The following SPATS2L variants were observed in gnomAD, a reference collection of about 807,000 sequenced individuals.
The protein encoded by SPATS2L is spermatogenesis associated serine rich 2 like, also known as SPATS2-like protein.
A neutral mutation model predicts 59.6 loss-of-function variants in SPATS2L; 30 were observed. The observed-to-expected ratio is 0.50, with a 90% CI of 0.38 to 0.68. SPATS2L has a LOEUF of 0.68. Ranked by LOEUF, SPATS2L falls within the 30% of genes least tolerant of loss-of-function variation. The pLI is 0.00. For missense variants in SPATS2L, 615 were observed against 700.0 expected (o/e 0.88, Z 1.37); for synonymous variants, 252 against 263.5 (o/e 0.96, Z 0.42).
chr2:200,371,253 T>A lies in SPATS2L; in HGVS notation c.-22-17970T>A, dbSNP rs139774419. Among the ~76,000 whole-genome samples, 137 of 152,108 alleles carry A rather than the reference T, an allele frequency of 9.0e-4. 1 individual carries two copies. The Middle Eastern group carries it at 0.01, about 11-fold the overall frequency. ...TTATCCACAAATTAATTTAGGAATG[T>A]ATTATATAAAGTTCTTTCCAACTCT... is the stretch of plus-strand genomic sequence containing the variant. On this transcript the variant is annotated intron_variant, in intron 2 of 12. Coordinates refer to ENST00000409140, the MANE Select transcript of SPATS2L (RefSeq NM_001100423.2).
chr2:200,391,502 C>T (rs1160336722), intron 3 of SPATS2L, among the ~76,000 whole-genome samples: 2 of 152,124 alleles, frequency 1.3e-5, no homozygotes, highest in African/African-American at 2.4e-5. Context: ...ACCAGACTGC[C>T]AAAGGAGGTC....
At chr2:200,383,460 A>G (rs2081891164) in intron 2 of SPATS2L, among the ~76,000 whole-genome samples, 1 of 152,108 alleles carries the variant, frequency 6.6e-6, no homozygotes, top group Non-Finnish European at 1.5e-5. Context: ...AGCACATTTC[A>G]CTTTAGACTA....
intron 2 of SPATS2L, among the ~76,000 whole-genome samples, chr2:200,364,783 TC>T (rs2081218055): frequency 6.6e-6 from 1 of 152,128 alleles, no homozygotes; most frequent in South Asian, 2.1e-4. Context: ...GGAGGGAAGT[TC>T]CTAGCAGGGA....
At chr2:200,329,504 C>T (rs909930258) in intron 2 of SPATS2L, 24 bp downstream of exon 2, 2 of 1,543,010 alleles carry the variant, frequency 1.3e-6, no homozygotes, top group Non-Finnish European at 1.8e-6. Context: ...GTCCTTCCCT[C>T]TCTGTGACCT....
intron 2 of SPATS2L, among the ~76,000 whole-genome samples, chr2:200,338,590 A>C (rs141925806): frequency 1.3e-5 from 2 of 152,306 alleles, no homozygotes; most frequent in Non-Finnish European, 2.9e-5. Flanking sequence ...AACCTCCCCA[A>C]AGGCTTAATT....
At chr2:200,427,276 T>C (rs1033682458) in intron 6 of SPATS2L, among the ~76,000 whole-genome samples, 1 of 152,088 alleles carries the variant, frequency 6.6e-6, no homozygotes, top group Non-Finnish European at 1.5e-5. Context: ...GATGTGATTA[T>C]TATGCATTGT....
intron 8 of SPATS2L, among the ~76,000 whole-genome samples, chr2:200,457,720 T>A (rs2085948845): frequency 6.6e-6 from 1 of 152,208 alleles, no homozygotes; most frequent in Non-Finnish European, 1.5e-5. Context: ...TCCTTTCCAC[T>A]AGGATTTCCT....
chr2:200,405,574 A>G (rs2082663416), intron 3 of SPATS2L, among the ~76,000 whole-genome samples: 2 of 152,182 alleles, frequency 1.3e-5, no homozygotes, highest in Admixed American at 6.5e-5. Context: ...TCCCCAAGAA[A>G]ATTCATAGGA....
At chr2:200,408,473 G>A (rs947743098) in intron 3 of SPATS2L, among the ~76,000 whole-genome samples, 2 of 152,132 alleles carry the variant, frequency 1.3e-5, no homozygotes, top group African/African-American at 4.8e-5. Context: ...TGATAATGCC[G>A]GGTCTTTGCT....
At chr2:200,444,869 C>T (rs899340250) in intron 8 of SPATS2L, among the ~76,000 whole-genome samples, 9 of 151,946 alleles carry the variant, frequency 5.9e-5, no homozygotes, top group Non-Finnish European at 8.8e-5. Flanking sequence ...AGTGGTGTCT[C>T]CATATCCCTT....
chr2:200,472,504 C>A (rs977715974), intron 11 of SPATS2L, among the ~76,000 whole-genome samples: 1 of 152,144 alleles, frequency 6.6e-6, no homozygotes, highest in African/African-American at 2.4e-5. Context: ...AGAGAGGGAA[C>A]CTTGAGGTTT....
intron 2 of SPATS2L, among the ~76,000 whole-genome samples, chr2:200,344,942 G>A (rs2105829093): frequency 6.6e-6 from 1 of 152,176 alleles, no homozygotes; most frequent in East Asian, 1.9e-4. Flanking sequence ...ATTTGTTTAA[G>A]TTCCATAGAG....
At chr2:200,440,117 G>GA (rs2084591208) in intron 7 of SPATS2L, among the ~76,000 whole-genome samples, 1 of 152,350 alleles carries the variant, frequency 6.6e-6, no homozygotes, top group African/African-American at 2.4e-5. Context: ...AATCAGGCGA[G>GA]ATGGGCACCC....
Position 200,389,250 on chromosome 2 carries a change from T to C in SPATS2L, c.6T>C (p.Ala2=). 9 of 1,583,934 alleles carry C rather than the reference T, an allele frequency of 5.7e-6. No homozygotes were observed. The highest frequency in any genetic ancestry group is 6.9e-6 in the Non-Finnish European group (8 of 1,163,092). M[A]ELNTHVNVKE... Reference sequence around the variant, plus strand: ...CCTATTCCACTAGAAGCAAGATGGCTGAACTCAATACTCATGTGAATGTCA... The same window carrying C: ...CCTATTCCACTAGAAGCAAGATGGCCGAACTCAATACTCATGTGAATGTCA... Residue 2 remains alanine, a synonymous_variant, in exon 3 of 13, where the codon GCT becomes GCC. Coordinates refer to ENST00000409140, the MANE Select transcript of SPATS2L (RefSeq NM_001100423.2).
chr2:200,457,246 AC>A (rs1389736111), intron 8 of SPATS2L, among the ~76,000 whole-genome samples: 2 of 151,970 alleles, frequency 1.3e-5, no homozygotes, highest in Non-Finnish European at 2.9e-5. Flanking sequence ...ACACACACAC[AC>A]ACACACACAC....
At chr2:200,449,528 T>A (rs916053971) in intron 8 of SPATS2L, among the ~76,000 whole-genome samples, 3 of 152,184 alleles carry the variant, frequency 2.0e-5, no homozygotes, top group African/African-American at 7.2e-5. Flanking sequence ...TTCTGAATCT[T>A]CTCAGCAGAT....
chr2:200,350,600 T>C (rs4673988), intron 2 of SPATS2L, among the ~76,000 whole-genome samples: 98,689 of 152,126 alleles, frequency 0.65, 36,223 homozygotes, highest in South Asian at 0.91. Context: ...GATCGTTCAC[T>C]GCAGCCTCTG....
At chr2:200,416,356 GA>G in intron 4 of SPATS2L, 22 bp from the exon 5 acceptor site, 1 of 1,346,720 alleles carries the variant, frequency 7.4e-7, no homozygotes, top group Non-Finnish European at 1.0e-6. Flanking sequence ...AATATTTGTT[GA>G]AGATTCTTTG....
intron 2 of SPATS2L, among the ~76,000 whole-genome samples, chr2:200,345,346 G>A (rs1280800737): frequency 6.6e-6 from 1 of 152,078 alleles, no homozygotes; most frequent in Admixed American, 6.6e-5. Context: ...AAAATATTTA[G>A]ATCAAACCTT....
Sources: allele counts gnomAD v4.1 joint callset (sites outside exome capture counted in the v4.1 genomes callset), GRCh38; gene constraint gnomAD v4.1.1; transcripts MANE v1.5; gene names NCBI Gene and HGNC (gene_info 2026-07-23, HGNC 2026-07-21).